PWP1: variants seen among roughly 807,000 people sequenced by gnomAD.
The protein encoded by PWP1 is PWP1 homolog, endonuclein, also known as periodic tryptophan protein 1 homolog.
Under a neutral mutation model 69.9 loss-of-function variants are expected in PWP1, and 47 were observed. That is an observed-to-expected ratio of 0.67 (90% CI 0.53 to 0.86). The LOEUF is 0.86. Ranked by LOEUF, PWP1 falls within the 40% of genes least tolerant of loss-of-function variation. PWP1 has a pLI of 0.00. For synonymous variants in PWP1, 222 were observed against 208.2 expected, an observed-to-expected ratio of 1.07 and a Z score of -0.57; for missense variants, 551 against 608.8, an observed-to-expected ratio of 0.91 and a Z score of 1.00.
chr12:107,708,922 C>T lies in PWP1; in HGVS notation c.1078-4C>T. 1.2e-6 allele frequency: 2 copies of T among 1,612,504 alleles called. No individual in the cohort carries two copies. The highest frequency in any genetic ancestry group is 1.7e-6 in the Non-Finnish European group (2 of 1,179,498). On this transcript the variant is annotated splice_region_variant and splice_polypyrimidine_tract_variant and intron_variant, in intron 11 of 14. Transcript: ENST00000412830. Reference sequence around the variant, plus strand: ...TGACCTTGCCCATCTTTTACTCTTTCTAGGCCAGTACAGATGACGGCTTTG... The same window carrying T: ...TGACCTTGCCCATCTTTTACTCTTTTTAGGCCAGTACAGATGACGGCTTTG...
intron 11 of PWP1, among the ~76,000 whole-genome samples, chr12:107,705,327 G>A (rs2136284475): frequency 6.6e-6 from 1 of 151,052 alleles, no homozygotes; most frequent in Non-Finnish European, 1.5e-5. Context: ...TTGTTGCCCA[G>A]TTTTCCTGAA....
At chr12:107,712,039 T>G in intron 14 of PWP1, 72 bp from the exon 15 acceptor site, 2 of 1,280,946 alleles carry the variant, frequency 1.6e-6, no homozygotes, top group Non-Finnish European at 2.3e-6. Context: ...CAATTCTGCA[T>G]TTTAGTGTCT....
chr12:107,712,136 G>C lies in PWP1; in HGVS notation c.1422G>C (p.Glu474Asp). 2 of 1,614,056 alleles carry C rather than the reference G, an allele frequency of 1.2e-6. No individual in the cohort carries two copies. Among genetic ancestry groups the C allele is most frequent in the Non-Finnish European group, 1.7e-6 (2 of 1,179,930 alleles). Residue 474 changes from glutamate (E) to aspartate (D), a missense_variant, in exon 15 of 15, where the codon GAG (glutamate) becomes GAC (aspartate). By Grantham distance (45) the Glu-to-Asp change is conservative. Transcript: ENST00000412830. ...TAAATGAAGCATTTGGAAGACGAGA[G>C]AGGCTTGTTCTTGGGAGTGCAAGAA... is the stretch of plus-strand genomic sequence containing the variant. Reference protein sequence around the residue: ...SSVNEAFGRRERLVLGSARNS... With the variant: ...SSVNEAFGRRDRLVLGSARNS...
At chr12:107,696,329 A>G (rs193234346) in intron 5 of PWP1, 145 bp from the exon 6 acceptor site, 144 of 1,260,044 alleles carry the variant, frequency 1.1e-4, no homozygotes, top group Admixed American at 2.9e-4. Context: ...CACTGCGCCC[A>G]GCCTGGAATC....
chr12:107,708,096 TC>T (rs1889863744), intron 11 of PWP1, among the ~76,000 whole-genome samples: 1 of 152,178 alleles, frequency 6.6e-6, no homozygotes, highest in Admixed American at 6.5e-5. Flanking sequence ...CAATGATCAT[TC>T]CAGTTGTACT....
At chr12:107,702,405 T>G (rs908644818) in intron 8 of PWP1, among the ~76,000 whole-genome samples, 4 of 152,064 alleles carry the variant, frequency 2.6e-5, no homozygotes, top group Non-Finnish European at 5.9e-5. Flanking sequence ...CTCAGCCTCC[T>G]GAGTAACTGG....
chr12:107,697,853 A>G, intron 7 of PWP1: 1 of 516,536 alleles, frequency 1.9e-6, no homozygotes, highest in Non-Finnish European at 3.7e-6. Flanking sequence ...TAATATGAAT[A>G]GCTACTATAG....
chr12:107,685,816 C>G lies in PWP1; in HGVS notation c.-84C>G. 1 of 1,470,620 alleles carries G rather than the reference C, an allele frequency of 6.8e-7. No homozygotes were observed. The highest frequency in any genetic ancestry group is 1.4e-5 in the African/African-American group (1 of 72,220). The allele number at this position is 1,470,620 out of a possible 1,614,324, so 91.1% of individuals were successfully genotyped here. ...GCCCTGGCAGCGGCCCTGTGCAGAT[C>G]CCTGAGCGTGTGGCAGCAGTGCGGT... On this transcript the variant is annotated 5_prime_UTR_variant, in exon 1 of 15. It adds an upstream start codon to the 5' untranslated region. Transcript: ENST00000412830.
chr12:107,687,168 C>T (rs1043392062), intron 1 of PWP1, among the ~76,000 whole-genome samples: 2 of 151,998 alleles, frequency 1.3e-5, no homozygotes, highest in Non-Finnish European at 2.9e-5. Flanking sequence ...ACAGGAATGA[C>T]GGATTGGAGT....
chr12:107,699,721 A>AGGATT (rs1403514380), intron 8 of PWP1, among the ~76,000 whole-genome samples: 1 of 152,206 alleles, frequency 6.6e-6, no homozygotes, highest in African/African-American at 2.4e-5. Context: ...ATGGTGCAGT[A>AGGATT]GGATTGTGTT....
chr12:107,712,083 G>C (rs1218104471), intron 14 of PWP1, 28 bp from the exon 15 acceptor site: 5 of 1,566,324 alleles, frequency 3.2e-6, no homozygotes, highest in Non-Finnish European at 4.4e-6. Flanking sequence ...TGATCTGTTA[G>C]TTTCTTACCT....
chr12:107,688,759 G>A lies in PWP1; in HGVS notation c.276G>A (p.Leu92=). The part of the protein sequence containing the change: ...EDDRTLDDDE[L]AEYDLDKYDE... ...ACAGGACGCTTGATGATGATGAGCT[G>A]GCTGAGTACGACTTAGATAAATATG... Residue 92 remains leucine (L), a synonymous_variant, in exon 3 of 15, where the codon CTG becomes CTA. Transcript: ENST00000412830. 1.2e-6 allele frequency: 2 copies of A among 1,614,166 alleles called. No homozygotes were observed. The highest frequency in any genetic ancestry group is 1.7e-6 in the Non-Finnish European group (2 of 1,180,028).
intron 1 of PWP1, among the ~76,000 whole-genome samples, chr12:107,688,029 T>TGAAA (rs1889403425): frequency 2.9e-5 from 1 of 34,664 alleles, no homozygotes; most frequent in East Asian, 1.9e-3. Flanking sequence ...AGACTCCGTC[T>TGAAA]CAAAAAAAAA....
At position 107,704,718 on chromosome 12, in the gene PWP1, T is replaced by G. The variant is rs139301430; in HGVS notation, c.1048T>G (p.Trp350Gly). 13 of 1,613,780 alleles carry G rather than the reference T, an allele frequency of 8.1e-6. No homozygotes were observed. The highest frequency in any genetic ancestry group is 1.1e-5 in the Non-Finnish European group (13 of 1,179,852). ...RFSGQIERVT[W>G]NHFSPCHFLA... Reference sequence around the variant, plus strand: ...CAGTGGGCAGATAGAGAGAGTGACTTGGAATCACTTTTCACCTTGTCATTT... The same window carrying G: ...CAGTGGGCAGATAGAGAGAGTGACTGGGAATCACTTTTCACCTTGTCATTT... Residue 350 changes from tryptophan to glycine, a missense_variant, in exon 11 of 15, where the codon TGG becomes GGG. Coordinates refer to ENST00000412830, the MANE Select transcript of PWP1 (RefSeq NM_007062.3).
At position 107,688,679 on chromosome 12, in the gene PWP1, G is replaced by A. The variant is rs1566076093; in HGVS notation, c.196G>A (p.Ala66Thr). 6.2e-7 allele frequency: 1 copy of A among 1,614,228 alleles called. No individual in the cohort carries two copies. The highest frequency in any genetic ancestry group is 8.5e-7 in the Non-Finnish European group (1 of 1,180,016). Residue 66 changes from alanine (A) to threonine (T), a missense_variant, in exon 3 of 15, where the codon GCA becomes ACA. Coordinates refer to ENST00000412830, the MANE Select transcript of PWP1 (RefSeq NM_007062.3). ...TCCTTCAGAAGATGGCATGCAGAGT[G>A]CACGCACCCAGGCACGCCCAAGAGA... Reference protein sequence around the residue: ...GSPSEDGMQSARTQARPREPL... With the variant: ...GSPSEDGMQSTRTQARPREPL...
chr12:107,707,202 A>G (rs1889841123), intron 11 of PWP1, among the ~76,000 whole-genome samples: 1 of 151,934 alleles, frequency 6.6e-6, no homozygotes, highest in East Asian at 1.9e-4. Context: ...CTGTTTGTCT[A>G]TTATTGGTGT....
At position 107,701,977 on chromosome 12, in the gene PWP1, C is replaced by T. The variant is rs114513207; in HGVS notation, c.807-958C>T. Among the ~76,000 whole-genome samples the T allele has an allele frequency of 4.5e-3, 682 of 152,000 alleles. 7 individuals carry two copies. The highest frequency in any genetic ancestry group is 0.015 in the African/African-American group (621 of 41,468). ...ATAGGCATGAGCCACCGCGCCCAGCCCCATTTGTTAAGACTTTTTTCCCCA... is the reference window on the plus strand; with the variant it reads ...ATAGGCATGAGCCACCGCGCCCAGCTCCATTTGTTAAGACTTTTTTCCCCA... On this transcript the variant is annotated intron_variant, in intron 8 of 14. Coordinates refer to ENST00000412830, the MANE Select transcript of PWP1 (RefSeq NM_007062.3).
intron 7 of PWP1, 23 bp downstream of exon 7, chr12:107,697,620 A>G (rs1456437442): frequency 6.3e-7 from 1 of 1,588,880 alleles, no homozygotes; most frequent in East Asian, 2.2e-5. Flanking sequence ...ATAAATATTT[A>G]AACTCTAATG....
At chr12:107,686,154 C>T (rs974883847) in intron 1 of PWP1, 183 bp downstream of exon 1, 6 of 659,028 alleles carry the variant, frequency 9.1e-6, no homozygotes, top group African/African-American at 1.8e-5. Flanking sequence ...TTCGCCTGAG[C>T]CTGGAGAGTC....
Sources: allele counts gnomAD v4.1 joint callset (sites outside exome capture counted in the v4.1 genomes callset), GRCh38; gene constraint gnomAD v4.1.1; transcripts MANE v1.5; gene names NCBI Gene and HGNC (gene_info 2026-07-23, HGNC 2026-07-21).